The following URGCP variants were observed in gnomAD, a reference collection of about 807,000 sequenced individuals.
URGCP encodes up-regulator of cell proliferation.
URGCP carries 13 observed loss-of-function variants against 24.6 expected under a neutral mutation model. The ratio of observed to expected loss-of-function variants is 0.53; its 90% CI spans 0.34 to 0.84. The LOEUF is 0.84. Ranked by LOEUF, URGCP falls within the 40% of genes least tolerant of loss-of-function variation. The pLI, the probability that URGCP is intolerant of heterozygous loss-of-function variation, is 0.01. For missense variants in URGCP, 899 were observed against 1,194.3 expected, an observed-to-expected ratio of 0.75 and a Z score of 3.64; for synonymous variants, 444 against 487.2, an observed-to-expected ratio of 0.91 and a Z score of 1.17.
At chr7:43,898,979 C>T (rs191290983) in intron 1 of URGCP, among the ~76,000 whole-genome samples, 2,575 of 148,546 alleles carry the variant, frequency 0.017, 28 homozygotes, top group Non-Finnish European at 0.026. Flanking sequence ...ACTAAAAGTA[C>T]GAAAATTAGC....
At position 43,878,897 on chromosome 7, in the gene URGCP, G is replaced by A. The variant is rs1188330341; in HGVS notation, c.566C>T (p.Ala189Val). ...TPVNPLDLLC[A>V]LLLSSDSFLQ... ...GAAACTGTCTGAGGAGAGCAGCAGG[G>A]CACAGAGAAGGTCTAAGGGGTTCAC... Residue 189 changes from alanine (A) to valine (V), a missense_variant, in exon 6 of 6, where the codon GCC (alanine) becomes GTC (valine). Physicochemically the swap from Ala to Val is moderately conservative, Grantham distance 64 (BLOSUM62 0). Coordinates refer to ENST00000453200, the MANE Select transcript of URGCP (RefSeq NM_001077663.3). This position sits in a 1 kb window ranked among gnomAD's most constrained non-coding sequence, Gnocchi z 5.6. 1 of 1,614,116 alleles carries A rather than the reference G, an allele frequency of 6.2e-7. No homozygotes were observed. Among genetic ancestry groups the A allele is most frequent in the Non-Finnish European group, 8.5e-7 (1 of 1,180,038 alleles).
chr7:43,912,309 C>A (rs2095910866), intron 1 of URGCP, among the ~76,000 whole-genome samples: 2 of 152,116 alleles, frequency 1.3e-5, no homozygotes, highest in Non-Finnish European at 2.9e-5. Flanking sequence ...ACCAGCCTGG[C>A]CAACATGGTG....
chr7:43,913,096 C>T (rs2095911841), intron 1 of URGCP, among the ~76,000 whole-genome samples: 1 of 152,176 alleles, frequency 6.6e-6, no homozygotes, highest in Non-Finnish European at 1.5e-5. Context: ...AGTGATCCAC[C>T]CACCTTGGCC....
intron 1 of URGCP, among the ~76,000 whole-genome samples, chr7:43,923,087 G>GA (rs1186716819): frequency 6.6e-6 from 1 of 151,586 alleles, no homozygotes; most frequent in African/African-American, 2.4e-5. Context: ...AGGTTCAAGC[G>GA]ATTCTCCTGC....
In URGCP at chr7:43,879,246, G is replaced by T; in HGVS notation, c.217C>A (p.Leu73Ile). ...NDFPTVERSR[L>I]QEMLSLLGLE... ...CCCAAAAGTGACAGCATTTCTTGAAGCCTGCTTCTCTCCACTGTGGAAAGA... is the reference window on the plus strand; with the variant it reads ...CCCAAAAGTGACAGCATTTCTTGAATCCTGCTTCTCTCCACTGTGGAAAGA... The change falls in exon 6 of 6, where the codon CTT (leucine) becomes ATT (isoleucine). Residue 73 changes from leucine (L) to isoleucine (I), a missense_variant. Physicochemically the swap from Leu to Ile is conservative, Grantham distance 5. Coordinates refer to ENST00000453200, the MANE Select transcript of URGCP (RefSeq NM_001077663.3). 6.2e-7 allele frequency: 1 copy of T among 1,609,948 alleles called. No individual in the cohort carries two copies.
At chr7:43,889,131 A>G (rs1391421284) in intron 1 of URGCP, 1 of 152,222 alleles carries the variant, frequency 6.6e-6, no homozygotes, top group African/African-American at 2.4e-5. Context: ...GCAGAAAGAG[A>G]AGGCTCTCTT....
upstream of URGCP, among the ~76,000 whole-genome samples, chr7:43,909,713 A>C (rs547976181): frequency 1.7e-3 from 254 of 150,532 alleles, no homozygotes; most frequent in African/African-American, 5.9e-3. Context: ...GACTATCTCA[A>C]AAATAAAAAT....
In URGCP at chr7:43,881,243, G is replaced by A. The variant is rs1014752792; in HGVS notation, c.202+416C>T. On this transcript the variant is annotated intron_variant, in intron 5 of 5. Transcript: ENST00000453200. ...CTGCCCAGTGTGTGGCCCTTGGCAG[G>A]TTGTTTGGAAGCTCTGGGCCCAGTA... The A allele has an allele frequency of 2.0e-5, 14 of 702,764 alleles. No homozygotes were observed. In the Middle Eastern group the frequency reaches 6.8e-4, roughly 34 times the overall value. The allele number at this position is 702,764 out of a possible 1,614,324, so 43.5% of individuals were successfully genotyped here. A position where few individuals can be genotyped will look rare whatever the true frequency, so the allele number is the denominator to read the frequency against.
chr7:43,906,792 C>G (rs1360458384), upstream of URGCP: 3 of 323,026 alleles, frequency 9.3e-6, no homozygotes, highest in African/African-American at 2.2e-5. Context: ...CAGGTCAGCC[C>G]GCAGCCCGCC....
chr7:43,897,970 A>C (rs2095881777), intron 1 of URGCP, among the ~76,000 whole-genome samples: 1 of 152,182 alleles, frequency 6.6e-6, no homozygotes, highest in Admixed American at 6.6e-5. Context: ...GACTTGAGGG[A>C]ATCGTGAGCA....
intron 1 of URGCP, among the ~76,000 whole-genome samples, chr7:43,898,941 G>A (rs1255864484): frequency 6.7e-6 from 1 of 149,408 alleles, no homozygotes; most frequent in East Asian, 1.9e-4. Flanking sequence ...TTCGAGACTA[G>A]CCTGGCCAAC....
chr7:43,916,903 G>A (rs1192686019), intron 1 of URGCP, among the ~76,000 whole-genome samples: 1 of 152,122 alleles, frequency 6.6e-6, no homozygotes, highest in Non-Finnish European at 1.5e-5. Flanking sequence ...CTTTCTAGAT[G>A]AGTAGGCATA....
intron 1 of URGCP, among the ~76,000 whole-genome samples, chr7:43,901,448 G>C (rs2095890495): frequency 6.6e-6 from 1 of 152,206 alleles, no homozygotes; most frequent in African/African-American, 2.4e-5. Context: ...CCAGCGTAGG[G>C]AACACTCTGG....
At position 43,890,201 on chromosome 7, in the gene URGCP, G is replaced by A. The variant is rs370567085; in HGVS notation, c.15-2385C>T. Among the ~76,000 whole-genome samples the A allele has an allele frequency of 1.2e-3, 165 of 139,424 alleles. 2 individuals are homozygous for A. The highest frequency in any genetic ancestry group is 7.1e-3 in the East Asian group (32 of 4,532). The allele number at this position is 139,424 out of a possible 152,430, so 91.5% of individuals were successfully genotyped here. A position where few individuals can be genotyped will look rare whatever the true frequency, so the allele number is the denominator to read the frequency against. Reference sequence around the variant, plus strand: ...ATTACAGGTGTGAGCCACCACGCCCGGCCACTGGAAACTTTTTTTTTTTTT... The same window carrying A: ...ATTACAGGTGTGAGCCACCACGCCCAGCCACTGGAAACTTTTTTTTTTTTT... On this transcript the variant is annotated intron_variant, in intron 1 of 5. Coordinates refer to ENST00000453200, the MANE Select transcript of URGCP (RefSeq NM_001077663.3).
chr7:43,908,969 T>C (rs906898838), upstream of URGCP, among the ~76,000 whole-genome samples: 2 of 152,240 alleles, frequency 1.3e-5, no homozygotes, highest in Non-Finnish European at 2.9e-5. Context: ...GGTTAGACCA[T>C]CATGTTTAAC....
In URGCP at chr7:43,924,865, G is replaced by A. The variant is rs192463897; in HGVS notation, c.-116+1267C>T. ...CAACTCACTGCAACTTTGATCTCCT[G>A]GGCTCAAGTAAGCCTCCCAAGTAGC... On this transcript the variant is annotated intron_variant, in intron 1 of 5. Coordinates refer to the URGCP transcript ENST00000426198. Among the ~76,000 whole-genome samples, 343 of 152,160 alleles carry A rather than the reference G, an allele frequency of 2.3e-3. 2 individuals carry two copies. The highest frequency in any genetic ancestry group is 7.7e-3 in the African/African-American group (319 of 41,514).
In URGCP at chr7:43,877,190, C is replaced by T. The variant is rs2095846019; in HGVS notation, c.2273G>A (p.Gly758Asp). 10 of 1,614,218 alleles carry T rather than the reference C, an allele frequency of 6.2e-6. No homozygotes were observed. The East Asian group carries it at 2.0e-4, about 32-fold the overall frequency. ...GTCCCCAGCTGACGTCAAGGCCCCA[C>T]CTATCAAGCCCCCGGAGTCTATCAC... is the stretch of plus-strand genomic sequence containing the variant. The part of the protein sequence containing the change: ...ILVIDSGGLI[G>D]GALTSAGDRF... The change falls in exon 6 of 6, where the codon GGT becomes GAT. Residue 758 changes from glycine to aspartate, a missense_variant. By Grantham distance (94) the Gly-to-Asp change is moderately conservative. Transcript: ENST00000453200.
At chr7:43,902,924 T>TA (rs1467654558) in intron 1 of URGCP, among the ~76,000 whole-genome samples, 2 of 152,154 alleles carry the variant, frequency 1.3e-5, no homozygotes, top group Non-Finnish European at 2.9e-5. Flanking sequence ...AGCATTATCT[T>TA]AGAGAAAACC....
intron 1 of URGCP, among the ~76,000 whole-genome samples, chr7:43,920,350 A>G (rs2095920876): frequency 6.6e-6 from 1 of 152,184 alleles, no homozygotes; most frequent in Admixed American, 6.5e-5. Flanking sequence ...ACCTGAAGTC[A>G]TGAGTTCAAG....
Sources: allele counts gnomAD v4.1 joint callset (sites outside exome capture counted in the v4.1 genomes callset), GRCh38; gene constraint gnomAD v4.1.1; non-coding constraint Gnocchi (gnomAD v3.1); transcripts MANE v1.5; gene names NCBI Gene and HGNC (gene_info 2026-07-23, HGNC 2026-07-21).